The following COG5 variants were observed in gnomAD, a reference collection of about 807,000 sequenced individuals.
The protein encoded by COG5 is conserved oligomeric Golgi complex subunit 5.
Under a neutral mutation model 110.4 loss-of-function variants are expected in COG5, and 86 were observed. That is an observed-to-expected ratio of 0.78 (90% CI 0.65 to 0.93). The LOEUF (loss-of-function observed/expected upper bound fraction) is 0.93. Among genes scored for constraint, COG5 ranks in the 40% least tolerant of loss-of-function variants. The pLI is 0.00. For synonymous variants in COG5, 360 were observed against 334.6 expected (o/e 1.08, Z -0.83); for missense variants, 1,077 against 987.0 (o/e 1.09, Z -1.22).
At chr7:107,226,354 A>G (rs1273562297) in intron 19 of COG5, among the ~76,000 whole-genome samples, 3 of 152,200 alleles carry the variant, frequency 2.0e-5, no homozygotes, top group African/African-American at 7.2e-5. Flanking sequence ...CACAGATGGA[A>G]GAAGTGCACA....
rs571514806 is a variant in COG5, at chr7:107,393,971, T to A, written c.669+18531A>T. ...GGTAGAAAAGATATTTATTATTATT[T>A]TTTTTTTTGAGATGGAGTCTTGCTC... is the stretch of plus-strand genomic sequence containing the variant. On this transcript the variant is annotated intron_variant, in intron 7 of 21. Transcript: ENST00000297135. 2.7e-3 allele frequency among the ~76,000 whole-genome samples: 410 copies of A among 151,852 alleles called. 2 individuals carry two copies. Among genetic ancestry groups the A allele is most frequent in the African/African-American group, 8.4e-3 (349 of 41,446 alleles).
chr7:107,517,709 T>G (rs1357537034), intron 6 of COG5, among the ~76,000 whole-genome samples: 1 of 151,686 alleles, frequency 6.6e-6, no homozygotes, highest in Non-Finnish European at 1.5e-5. Flanking sequence ...TCCTTTTTTT[T>G]TTTTTTGTGA....
At chr7:107,390,048 C>T (rs896446219) in intron 7 of COG5, among the ~76,000 whole-genome samples, 1 of 152,128 alleles carries the variant, frequency 6.6e-6, no homozygotes, top group African/African-American at 2.4e-5. Flanking sequence ...TCACTAATTA[C>T]AATATATTAC....
chr7:107,509,484 A>G (rs1382392309), intron 6 of COG5, among the ~76,000 whole-genome samples: 1 of 152,228 alleles, frequency 6.6e-6, no homozygotes, highest in Non-Finnish European at 1.5e-5. Context: ...GCAGGATATT[A>G]TCCAGGAGAA....
At chr7:107,531,273 G>C (rs536112178) in intron 5 of COG5, among the ~76,000 whole-genome samples, 1 of 151,892 alleles carries the variant, frequency 6.6e-6, no homozygotes. Context: ...AGTTGGATGC[G>C]GGCAGCTTCA....
At chr7:107,207,001 A>G (rs113112066) in intron 21 of COG5, among the ~76,000 whole-genome samples, 507 of 150,094 alleles carry the variant, frequency 3.4e-3, no homozygotes, top group Non-Finnish European at 5.7e-3. Flanking sequence ...AAAAAACACG[A>G]TTAGTAGAGG....
chr7:107,449,339 A>G (rs1159866751), intron 6 of COG5, among the ~76,000 whole-genome samples: 2 of 152,214 alleles, frequency 1.3e-5, no homozygotes. Context: ...ACATGTATCC[A>G]AGAACTTAAA....
chr7:107,395,069 G>T (rs890522980), intron 7 of COG5, among the ~76,000 whole-genome samples: 1 of 152,168 alleles, frequency 6.6e-6, no homozygotes, highest in Non-Finnish European at 1.5e-5. Context: ...AGACTTAGTT[G>T]AGTCCAACTG....
intron 1 of COG5, among the ~76,000 whole-genome samples, chr7:107,561,282 T>C (rs1803754061): frequency 6.6e-6 from 1 of 152,212 alleles, no homozygotes; most frequent in Non-Finnish European, 1.5e-5. Flanking sequence ...ATCAATCCGA[T>C]ACTCTGTCAT....
intron 6 of COG5, among the ~76,000 whole-genome samples, chr7:107,450,633 A>T (rs1795276144): frequency 6.6e-6 from 1 of 152,242 alleles, no homozygotes; most frequent in Non-Finnish European, 1.5e-5. Flanking sequence ...TTAAGGCAGT[A>T]AGAGATGGGC....
chr7:107,532,488 A>G (rs1453449442), intron 5 of COG5, among the ~76,000 whole-genome samples: 1 of 152,208 alleles, frequency 6.6e-6, no homozygotes, highest in Non-Finnish European at 1.5e-5. Flanking sequence ...GCCACAATAC[A>G]CATAAAACAT....
chr7:107,268,660 T>A (rs1803996954), intron 14 of COG5, among the ~76,000 whole-genome samples: 1 of 152,240 alleles, frequency 6.6e-6, no homozygotes. Context: ...GCTTTATTAG[T>A]CTGAGGCTGT....
intron 6 of COG5, among the ~76,000 whole-genome samples, chr7:107,487,274 A>T (rs995553299): frequency 6.6e-6 from 1 of 152,176 alleles, no homozygotes; most frequent in Non-Finnish European, 1.5e-5. Flanking sequence ...AATGACAAAC[A>T]CAAAACTGTT....
intron 19 of COG5, among the ~76,000 whole-genome samples, chr7:107,226,930 A>G (rs2116364250): frequency 6.6e-6 from 1 of 152,354 alleles, no homozygotes; most frequent in South Asian, 2.1e-4. Context: ...CAAGCTATGA[A>G]GGATACTCCA....
chr7:107,415,857 C>T (rs1470559492), intron 6 of COG5, among the ~76,000 whole-genome samples: 11 of 99,456 alleles, frequency 1.1e-4, no homozygotes, highest in Non-Finnish European at 1.7e-4. Flanking sequence ...TATACACACA[C>T]ATACACGTAT....
chr7:107,320,662 A>G (rs1430937085), intron 11 of COG5, among the ~76,000 whole-genome samples: 1 of 152,170 alleles, frequency 6.6e-6, no homozygotes, highest in Non-Finnish European at 1.5e-5. Context: ...AAGAAGATCT[A>G]TTTCATTGTC....
intron 14 of COG5, among the ~76,000 whole-genome samples, chr7:107,266,904 G>GT (rs1445973097): frequency 1.3e-5 from 2 of 152,052 alleles, no homozygotes; most frequent in East Asian, 3.8e-4. Context: ...TTAAAAAGAG[G>GT]TTTTTTACTA....
At chr7:107,435,453 G>C (rs1053865797) in intron 6 of COG5, among the ~76,000 whole-genome samples, 5 of 152,116 alleles carry the variant, frequency 3.3e-5, no homozygotes, top group African/African-American at 1.2e-4. Context: ...AGGAATTTGA[G>C]ACCAGCCTGA....
At chr7:107,477,863 C>T (rs1023961463) in intron 6 of COG5, among the ~76,000 whole-genome samples, 4 of 151,868 alleles carry the variant, frequency 2.6e-5, no homozygotes, top group Non-Finnish European at 3.0e-5. Flanking sequence ...ATTTTCTTTA[C>T]GTTGGTCTTC....
Sources: gnomAD v4.1 joint callset for allele counts (sites outside exome capture counted in the v4.1 genomes callset) on GRCh38, gnomAD v4.1.1 for gene constraint, MANE v1.5 for transcripts, NCBI Gene and HGNC (gene_info 2026-07-23, HGNC 2026-07-21) for gene names.